Variants in DAB1 observed in about 807,000 individuals in gnomAD.
The protein encoded by DAB1 is DAB adaptor protein 1, also known as disabled homolog 1.
In DAB1, 15 loss-of-function variants were observed where a neutral mutation model predicts 64.6. That is an observed-to-expected ratio of 0.23 (90% confidence interval 0.16 to 0.36). DAB1 has a LOEUF of 0.36. Among genes scored for constraint, DAB1 ranks in the 10% least tolerant of loss-of-function variants. The pLI is 1.00. For missense variants in DAB1, 596 were observed against 706.7 expected (o/e 0.84, Z 1.78); for synonymous variants, 235 against 251.9 (o/e 0.93, Z 0.64).
At chr1:57,524,308 G>A (rs1644565525) in intron 7 of DAB1, among the ~76,000 whole-genome samples, 1 of 152,086 alleles carries the variant, frequency 6.6e-6, no homozygotes, top group South Asian at 2.1e-4. Context: ...AGGGGAAAAG[G>A]CTTACAATGA....
intron 6 of DAB1, among the ~76,000 whole-genome samples, chr1:57,697,507 G>A (rs1280443495): frequency 2.0e-5 from 3 of 149,822 alleles, no homozygotes; most frequent in East Asian, 2.0e-4. Context: ...ATTTTAATTA[G>A]CATTGCTCAT....
chr1:57,746,778 T>C (rs1326196489), intron 6 of DAB1, among the ~76,000 whole-genome samples: 1 of 152,222 alleles, frequency 6.6e-6, no homozygotes. Flanking sequence ...TGTATTGTTA[T>C]ATTGTTATTC....
At chr1:57,856,572 G>C (rs1331896846) in intron 1 of DAB1, among the ~76,000 whole-genome samples, 1 of 151,990 alleles carries the variant, frequency 6.6e-6, no homozygotes, top group Non-Finnish European at 1.5e-5. Flanking sequence ...AGACCAGCCT[G>C]GCCAACATGA....
chr1:57,136,766 C>T, intron 3 of DAB1, 125 bp from the exon 4 acceptor site: 1 of 476,290 alleles, frequency 2.1e-6, no homozygotes, highest in Non-Finnish European at 3.7e-6. Flanking sequence ...TCCCTTCGCA[C>T]TTCCATATTT....
At chr1:57,628,192 C>G (rs981156440) in intron 7 of DAB1, among the ~76,000 whole-genome samples, 7 of 152,192 alleles carry the variant, frequency 4.6e-5, no homozygotes, top group South Asian at 2.1e-4. Context: ...AAACAGATAG[C>G]AGCTATTGCT....
intron 7 of DAB1, among the ~76,000 whole-genome samples, chr1:57,512,045 T>A (rs1322963223): frequency 6.6e-6 from 1 of 152,224 alleles, no homozygotes; most frequent in Non-Finnish European, 1.5e-5. Flanking sequence ...AGATAGAAAC[T>A]ATGTCCTCCA....
At chr1:57,076,707 T>C (rs550132648) in intron 4 of DAB1, among the ~76,000 whole-genome samples, 3 of 152,332 alleles carry the variant, frequency 2.0e-5, no homozygotes, top group Admixed American at 6.5e-5. Flanking sequence ...ATAGTGTACC[T>C]ATGACGGAAG....
At chr1:57,733,123 G>C (rs1328308277) in intron 6 of DAB1, among the ~76,000 whole-genome samples, 1 of 152,018 alleles carries the variant, frequency 6.6e-6, no homozygotes, top group Non-Finnish European at 1.5e-5. Flanking sequence ...AAAAAGTGAA[G>C]ATAAGGAAAT....
chr1:58,031,863 C>T (rs576031715), intron 5 of DAB1, among the ~76,000 whole-genome samples: 1 of 152,162 alleles, frequency 6.6e-6, no homozygotes, highest in Admixed American at 6.5e-5. Flanking sequence ...TTAGTAACTG[C>T]TATTCAGCCA....
Position 58,062,685 on chromosome 1 carries a change from G to A in DAB1, n.387+87826C>T, listed in dbSNP as rs12038127. On this transcript the variant is annotated intron_variant and non_coding_transcript_variant, in intron 5 of 20. Coordinates refer to the DAB1 transcript ENST00000485760. ...CCAGGAGTTCCAGCCCTGATGCTCC[G>A]TCAGGTGAGGAATTTGATGGAGGGC... is the stretch of plus-strand genomic sequence containing the variant. 5.6e-3 allele frequency among the ~76,000 whole-genome samples: 849 copies of A among 152,288 alleles called. 18 individuals are homozygous for A. In the East Asian group the frequency reaches 0.082, roughly 15 times the overall value.
Position 58,208,315 on chromosome 1 carries a change from T to A in DAB1, n.310-57727A>T, listed in dbSNP as rs370329602. ...CATTTTAAAAAATTAATTTAATAGG[T>A]TTTGGGGAAACAGGTGGTGTCTGGT... is the stretch of plus-strand genomic sequence containing the variant. On this transcript the variant is annotated intron_variant and non_coding_transcript_variant, in intron 4 of 20. Transcript: ENST00000485760. Among the ~76,000 whole-genome samples, 10 of 152,158 alleles carry A rather than the reference T, an allele frequency of 6.6e-5. No individual in the cohort carries two copies. The South Asian group carries it at 1.2e-3, about 19-fold the overall frequency.
chr1:57,750,331 A>T (rs1381699622), intron 6 of DAB1, among the ~76,000 whole-genome samples: 1 of 152,134 alleles, frequency 6.6e-6, no homozygotes, highest in Non-Finnish European at 1.5e-5. Context: ...AAAGAGCAGG[A>T]AAGACCCCAT....
At chr1:57,910,473 T>C (rs1644625458) in intron 5 of DAB1, among the ~76,000 whole-genome samples, 1 of 152,206 alleles carries the variant, frequency 6.6e-6, no homozygotes, top group Admixed American at 6.5e-5. Context: ...ACATACTTTC[T>C]TTTCTATTTT....
At chr1:57,649,850 C>A (rs1001390149) in intron 6 of DAB1, among the ~76,000 whole-genome samples, 1 of 152,100 alleles carries the variant, frequency 6.6e-6, no homozygotes, top group East Asian at 1.9e-4. Context: ...GACCACTGTG[C>A]GTGTTAGGCA....
intron 1 of DAB1, among the ~76,000 whole-genome samples, chr1:57,373,400 A>G (rs184991632): frequency 1.6e-4 from 25 of 152,300 alleles, no homozygotes; most frequent in African/African-American, 6.0e-4. Context: ...TAGAAGAAAG[A>G]AAAATGTGTG....
chr1:58,083,914 G>A (rs1650149440), intron 5 of DAB1, among the ~76,000 whole-genome samples: 1 of 152,174 alleles, frequency 6.6e-6, no homozygotes. Context: ...ATGAAAAAAT[G>A]TTTAAGTAGA....
At chr1:57,934,826 A>G (rs1284427850) in intron 5 of DAB1, among the ~76,000 whole-genome samples, 2 of 152,154 alleles carry the variant, frequency 1.3e-5, no homozygotes, top group African/African-American at 4.8e-5. Flanking sequence ...TTTGCCTCAA[A>G]TTTTCAAGAC....
chr1:57,482,168 C>T (rs1241873500), intron 7 of DAB1, among the ~76,000 whole-genome samples: 3 of 151,912 alleles, frequency 2.0e-5, no homozygotes, highest in African/African-American at 7.3e-5. Context: ...AGACAGAGAG[C>T]AGAGGTGAGC....
rs766337869 is a variant in DAB1 at position 57,553,502 on chromosome 1, AAGG to A, written n.625+96087_625+96089del. ...GAAGGAAGGAAGGAAGGAAGGAAGG[AAGG>A]AAGAGAGAGAGAGAAGAGGCATGTA... On this transcript the variant is annotated intron_variant and non_coding_transcript_variant, in intron 7 of 20. Coordinates refer to the DAB1 transcript ENST00000485760. Among the ~76,000 whole-genome samples, 169 of 141,848 alleles carry A rather than the reference AAGG, an allele frequency of 1.2e-3. 7 individuals are homozygous for A. Among genetic ancestry groups the A allele is most frequent in the Middle Eastern group, 3.5e-3 (1 of 282 alleles). 93.1% of individuals were successfully genotyped at this position (141,848 alleles called of 152,430 possible).
Sources: gnomAD v4.1 joint callset for allele counts (sites outside exome capture counted in the v4.1 genomes callset) on GRCh38, gnomAD v4.1.1 for gene constraint, MANE v1.5 for transcripts, NCBI Gene and HGNC (gene_info 2026-07-23, HGNC 2026-07-21) for gene names.